Variants in PRTFDC1 observed in about 807,000 individuals in gnomAD.
PRTFDC1 encodes phosphoribosyl transferase domain containing 1.
A neutral mutation model predicts 34.6 loss-of-function variants in PRTFDC1; 38 were observed. The ratio of observed to expected loss-of-function variants is 1.10; its 90% CI spans 0.85 to 1.44. PRTFDC1 has a LOEUF of 1.44. Among genes scored for constraint, PRTFDC1 ranks in the 40% most tolerant of loss-of-function variants. The pLI is 0.00. For missense variants in PRTFDC1, 270 were observed against 283.0 expected, an observed-to-expected ratio of 0.95 and a Z score of 0.33; for synonymous variants, 93 against 98.1, an observed-to-expected ratio of 0.95 and a Z score of 0.31.
intron 3 of PRTFDC1, among the ~76,000 whole-genome samples, chr10:24,880,745 G>T (rs1045647754): frequency 3.3e-5 from 5 of 152,156 alleles, no homozygotes; most frequent in Non-Finnish European, 5.9e-5. Flanking sequence ...TTCCCATGCT[G>T]CAGTGTCTGA....
chr10:24,898,558 C>G (rs1848405135), intron 3 of PRTFDC1, among the ~76,000 whole-genome samples: 1 of 151,700 alleles, frequency 6.6e-6, no homozygotes, highest in Non-Finnish European at 1.5e-5. Context: ...ACCAGGAACA[C>G]AGATGGCTTC....
intron 3 of PRTFDC1, among the ~76,000 whole-genome samples, chr10:24,885,954 A>T (rs1005294411): frequency 3.9e-5 from 6 of 152,234 alleles, no homozygotes; most frequent in African/African-American, 1.4e-4. Context: ...CTGTGGAGAC[A>T]GTAAAAAGAT....
At chr10:24,895,688 G>GATAGATATATATAT (rs1555048844) in intron 3 of PRTFDC1, among the ~76,000 whole-genome samples, 1 of 47,382 alleles carries the variant, frequency 2.1e-5, no homozygotes, top group Non-Finnish European at 4.2e-5. Context: ...AGCTGGGGTG[G>GATAGATATATATAT]ATATATATAT....
At chr10:24,890,813 C>T (rs114620207) in intron 3 of PRTFDC1, among the ~76,000 whole-genome samples, 1,955 of 152,316 alleles carry the variant, frequency 0.013, 47 homozygotes, top group African/African-American at 0.045. Flanking sequence ...TGCCTGGCAG[C>T]TTTGGGCAGC....
chr10:24,873,976 T>C (rs74122888), intron 3 of PRTFDC1, among the ~76,000 whole-genome samples: 2,713 of 150,792 alleles, frequency 0.018, 93 homozygotes, highest in African/African-American at 0.063. Context: ...GGTGCAATCA[T>C]AGTTCACTGC....
chr10:24,932,686 T>C (rs1230693814), intron 3 of PRTFDC1, among the ~76,000 whole-genome samples: 1 of 152,012 alleles, frequency 6.6e-6, no homozygotes, highest in Non-Finnish European at 1.5e-5. Context: ...GAAGACTAAA[T>C]AGTGTTACAA....
In PRTFDC1 at chr10:24,937,225, CA is replaced by C; in HGVS notation, c.297del (p.Phe99LeufsTer4). Reference protein sequence around the residue: ...LKNISRNSDRFVSMKVDFIRL... With the variant: ...LKNISRNSDRXVSMKVDFIRL... ...CTGATGAAATCAACCTTCATTGAGA[CA>C]AATCGATCTGAATTTCGGCTGATGT... On this transcript the variant is annotated frameshift_variant, in exon 3 of 9. Transcript: ENST00000320152. LOFTEE classifies it high-confidence loss of function. The C allele has an allele frequency of 6.2e-7, 1 of 1,613,776 alleles. No homozygotes were observed. Among genetic ancestry groups the C allele is most frequent in the Non-Finnish European group, 8.5e-7 (1 of 1,179,964 alleles).
chr10:24,888,315 C>T (rs755968755), intron 3 of PRTFDC1, among the ~76,000 whole-genome samples: 3 of 152,206 alleles, frequency 2.0e-5, no homozygotes, highest in Non-Finnish European at 4.4e-5. Flanking sequence ...TGCCCTGCCC[C>T]TGTCTTAAGC....
intron 3 of PRTFDC1, among the ~76,000 whole-genome samples, chr10:24,888,952 C>A (rs192336792): frequency 6.6e-6 from 1 of 152,232 alleles, no homozygotes; most frequent in East Asian, 1.9e-4. Flanking sequence ...CATTTGATTT[C>A]TCATTTACTT....
chr10:24,878,514 C>T (rs1338361227), intron 3 of PRTFDC1, among the ~76,000 whole-genome samples: 1 of 152,080 alleles, frequency 6.6e-6, no homozygotes, highest in Non-Finnish European at 1.5e-5. Flanking sequence ...TCAACATCTC[C>T]GTAGGAATGC....
chr10:24,897,972 T>C (rs1565270318), intron 3 of PRTFDC1, among the ~76,000 whole-genome samples: 1 of 152,126 alleles, frequency 6.6e-6, no homozygotes, highest in Non-Finnish European at 1.5e-5. Flanking sequence ...AGAATCTAAG[T>C]GTCCTATAAT....
At chr10:24,949,602 G>T (rs1316671083) in intron 1 of PRTFDC1, among the ~76,000 whole-genome samples, 2 of 152,108 alleles carry the variant, frequency 1.3e-5, no homozygotes, top group African/African-American at 2.4e-5. Context: ...TGGAGAAAAG[G>T]ATGTAAATGT....
At chr10:24,945,548 A>G (rs1196704807) in intron 1 of PRTFDC1, among the ~76,000 whole-genome samples, 7 of 152,168 alleles carry the variant, frequency 4.6e-5, no homozygotes, top group Non-Finnish European at 8.8e-5. Flanking sequence ...TCGAACTTTT[A>G]GGCTCAAGCG....
At chr10:24,882,794 C>A (rs919844044) in intron 3 of PRTFDC1, among the ~76,000 whole-genome samples, 8 of 151,272 alleles carry the variant, frequency 5.3e-5, no homozygotes, top group African/African-American at 1.9e-4. Flanking sequence ...GTGTGTGCCA[C>A]CATGCCCCAC....
chr10:24,871,899 G>T, intron 4 of PRTFDC1, 99 bp downstream of exon 4: 1 of 992,180 alleles, frequency 1.0e-6, no homozygotes, highest in Non-Finnish European at 1.5e-6. Flanking sequence ...TGGAAAACCC[G>T]GGAGCATGTC....
intron 3 of PRTFDC1, chr10:24,908,745 C>G (rs1389553999): frequency 6.6e-7 from 1 of 1,504,860 alleles, no homozygotes; most frequent in Admixed American, 2.0e-5. Flanking sequence ...CTAGCCAGCC[C>G]GATCAGCCTG....
intron 3 of PRTFDC1, among the ~76,000 whole-genome samples, chr10:24,900,005 A>G (rs1166222765): frequency 6.6e-6 from 1 of 152,196 alleles, no homozygotes; most frequent in African/African-American, 2.4e-5. Flanking sequence ...CATTTTATTT[A>G]TGAAGAAAGT....
intron 3 of PRTFDC1, among the ~76,000 whole-genome samples, chr10:24,872,806 A>ATTTTTT: frequency 8.5e-6 from 1 of 117,648 alleles, no homozygotes; most frequent in Non-Finnish European, 1.6e-5. Flanking sequence ...ATATATATAT[A>ATTTTTT]TTTTTTTTTT....
intron 3 of PRTFDC1, among the ~76,000 whole-genome samples, chr10:24,894,108 G>T (rs1212788662): frequency 6.6e-6 from 1 of 152,128 alleles, no homozygotes; most frequent in Non-Finnish European, 1.5e-5. Context: ...CGAGGTGGGG[G>T]ACCACGAGGT....
Sources: allele counts gnomAD v4.1 joint callset (sites outside exome capture counted in the v4.1 genomes callset), GRCh38; gene constraint gnomAD v4.1.1; transcripts MANE v1.5; gene names NCBI Gene and HGNC (gene_info 2026-07-23, HGNC 2026-07-21).